CACNA1E: variants seen among roughly 807,000 people sequenced by gnomAD.
CACNA1E encodes voltage-dependent R-type calcium channel subunit alpha-1E.
Under a neutral mutation model 259.2 loss-of-function variants are expected in CACNA1E, and 40 were observed. The ratio of observed to expected loss-of-function variants is 0.15; its 90% CI spans 0.12 to 0.20. The LOEUF is 0.20. CACNA1E is among the 10% of genes least tolerant of loss of function. CACNA1E has a pLI of 1.00. For missense variants in CACNA1E, 1,874 were observed against 3,040.1 expected, an observed-to-expected ratio of 0.62 and a Z score of 9.02; for synonymous variants, 1,104 against 1,138.5, an observed-to-expected ratio of 0.97 and a Z score of 0.61.
intron 7 of CACNA1E, among the ~76,000 whole-genome samples, chr1:181,710,008 G>A (rs1653180098): frequency 6.6e-6 from 1 of 152,154 alleles, no homozygotes; most frequent in African/African-American, 2.4e-5. Context: ...CAATAAATTT[G>A]ATCCTCCTCT....
At chr1:181,660,116 C>G (rs1051206112) in intron 7 of CACNA1E, among the ~76,000 whole-genome samples, 7 of 152,348 alleles carry the variant, frequency 4.6e-5, no homozygotes, top group African/African-American at 1.7e-4. Context: ...TGTCAAGGTC[C>G]TGCTGCCCTA....
At chr1:181,613,965 C>A (rs2103122987) in intron 6 of CACNA1E, among the ~76,000 whole-genome samples, 1 of 152,240 alleles carries the variant, frequency 6.6e-6, no homozygotes, top group South Asian at 2.1e-4. Context: ...ATTATCAAAC[C>A]ATCCTTTGCT....
intron 25 of CACNA1E, among the ~76,000 whole-genome samples, chr1:181,744,045 C>T (rs1421515520): frequency 6.6e-6 from 1 of 152,244 alleles, no homozygotes; most frequent in African/African-American, 2.4e-5. Flanking sequence ...ATTTGGCTCA[C>T]AGCCGCACTT....
intron 43 of CACNA1E, 43 bp from the exon 44 acceptor site, chr1:181,790,402 A>G: frequency 4.6e-6 from 6 of 1,307,716 alleles, no homozygotes; most frequent in Non-Finnish European, 6.7e-6. Context: ...TGCTAGTGGC[A>G]TGACTGTCCC....
At chr1:181,420,426 T>G (rs1306418965) in intron 2 of CACNA1E, among the ~76,000 whole-genome samples, 3 of 152,210 alleles carry the variant, frequency 2.0e-5, no homozygotes, top group Non-Finnish European at 4.4e-5. Flanking sequence ...TTTTATAACT[T>G]TAGCAAGTGG....
At chr1:181,555,565 G>C (rs889949021) in intron 3 of CACNA1E, among the ~76,000 whole-genome samples, 2 of 152,168 alleles carry the variant, frequency 1.3e-5, no homozygotes, top group Non-Finnish European at 2.9e-5. Flanking sequence ...GAATAACCAG[G>C]TTTTCTCCTG....
chr1:181,596,557 C>CATGTGTGTGT (rs371621474), intron 6 of CACNA1E, among the ~76,000 whole-genome samples: 8 of 140,596 alleles, frequency 5.7e-5, no homozygotes, highest in Non-Finnish European at 1.2e-4. Context: ...CCACCATGTA[C>CATGTGTGTGT]GTGTGTGTGT....
intron 3 of CACNA1E, among the ~76,000 whole-genome samples, chr1:181,576,089 GTT>G (rs1650947567): frequency 1.3e-5 from 2 of 152,176 alleles, no homozygotes; most frequent in African/African-American, 4.8e-5. Context: ...AAGTCCCCCC[GTT>G]TCTGACGACG....
chr1:181,535,511 T>C (rs1668100322), intron 3 of CACNA1E, among the ~76,000 whole-genome samples: 1 of 152,148 alleles, frequency 6.6e-6, no homozygotes, highest in African/African-American at 2.4e-5. Flanking sequence ...AATATATTTT[T>C]ATGTATATAT....
intron 25 of CACNA1E, among the ~76,000 whole-genome samples, chr1:181,749,671 A>ATAAAT (rs1253808828): frequency 6.6e-6 from 1 of 152,224 alleles, no homozygotes; most frequent in Non-Finnish European, 1.5e-5. Context: ...CTGGCCCAGA[A>ATAAAT]TAAATAAATA....
intron 1 of CACNA1E, among the ~76,000 whole-genome samples, chr1:181,391,991 G>C (rs1273449774): frequency 2.0e-5 from 3 of 150,688 alleles, no homozygotes; most frequent in African/African-American, 7.3e-5. Context: ...TTAGTGGAAG[G>C]ACAGACCTCT....
chr1:181,617,774 T>C (rs1185129342), intron 6 of CACNA1E, among the ~76,000 whole-genome samples: 1 of 152,172 alleles, frequency 6.6e-6, no homozygotes, highest in Non-Finnish European at 1.5e-5. Context: ...TGACTCCTGG[T>C]ATTTTAAGGG....
At chr1:181,548,975 A>T (rs1274101829) in intron 3 of CACNA1E, among the ~76,000 whole-genome samples, 1 of 152,202 alleles carries the variant, frequency 6.6e-6, no homozygotes, top group Admixed American at 6.5e-5. Flanking sequence ...CGAAACTGAG[A>T]TGGTCTGAGA....
intron 27 of CACNA1E, among the ~76,000 whole-genome samples, chr1:181,754,234 A>G (rs1325257467): frequency 6.6e-6 from 1 of 152,208 alleles, no homozygotes; most frequent in Non-Finnish European, 1.5e-5. Flanking sequence ...ATTCTGTTAA[A>G]TTAGAAAGGG....
intron 2 of CACNA1E, among the ~76,000 whole-genome samples, chr1:181,416,198 G>A (rs1460793752): frequency 6.6e-6 from 1 of 152,214 alleles, no homozygotes; most frequent in African/African-American, 2.4e-5. Flanking sequence ...ACATGTCATG[G>A]AAGTTCAGGC....
chr1:181,344,304 C>T (rs1045736951), intron 1 of CACNA1E, among the ~76,000 whole-genome samples: 2 of 152,214 alleles, frequency 1.3e-5, no homozygotes, highest in East Asian at 1.9e-4. Flanking sequence ...AACGTACTTC[C>T]GTACGCATTC....
chr1:181,794,835 T>C, intron 45 of CACNA1E, 29 bp from the exon 46 acceptor site: 2 of 1,590,342 alleles, frequency 1.3e-6, no homozygotes, highest in Non-Finnish European at 1.7e-6. Context: ...ATCCATACCT[T>C]GTGTTTCTCT....
rs542979721 is a variant in CACNA1E, at chr1:181,604,159, A to G, written c.951+23383A>G. On this transcript the variant is annotated intron_variant, in intron 6 of 47. Coordinates refer to ENST00000367573, the MANE Select transcript of CACNA1E (RefSeq NM_001205293.3). Reference sequence around the variant, plus strand: ...AATGGCACCCAGGGGTCCAGTCTTCAAGTTCCATTGCTTTCTCTGGCCTGT... The same window carrying G: ...AATGGCACCCAGGGGTCCAGTCTTCGAGTTCCATTGCTTTCTCTGGCCTGT... Among the ~76,000 whole-genome samples, 8 of 152,242 alleles carry G rather than the reference A, an allele frequency of 5.3e-5. No individual in the cohort carries two copies. The South Asian group carries it at 1.5e-3, about 28-fold the overall frequency.
rs114768600 is a variant in CACNA1E, at chr1:181,677,296, G to A, written c.1055+25855G>A. 9.7e-4 allele frequency among the ~76,000 whole-genome samples: 147 copies of A among 152,156 alleles called. 1 individual carries two copies. Among genetic ancestry groups the A allele is most frequent in the Admixed American group, 2.1e-3 (32 of 15,290 alleles). The stretch of plus-strand genomic sequence containing the variant: ...TATTTATCTAACTCCAGTATGTCCC[G>A]TGTCTCAGCTGGTTTCATAATCAGG... On this transcript the variant is annotated intron_variant, in intron 7 of 47. Transcript: ENST00000367573.
Sources: gnomAD v4.1 joint callset for allele counts (sites outside exome capture counted in the v4.1 genomes callset) on GRCh38, gnomAD v4.1.1 for gene constraint, MANE v1.5 for transcripts, NCBI Gene and HGNC (gene_info 2026-07-23, HGNC 2026-07-21) for gene names.